Variants in ZNF727 observed in about 807,000 individuals in gnomAD.
The protein encoded by ZNF727 is zinc finger protein 727, also known as putative zinc finger protein 727.
A neutral mutation model predicts 11.5 loss-of-function variants in ZNF727; 11 were observed. That is an observed-to-expected ratio of 0.95 (90% CI 0.60 to 1.58). ZNF727 has a LOEUF of 1.58. ZNF727 is among the 40% of genes most tolerant of loss of function. ZNF727 has a pLI of 0.00. For missense variants in ZNF727, 533 were observed against 581.7 expected (o/e 0.92, Z 0.86); for synonymous variants, 171 against 196.1 (o/e 0.87, Z 1.07).
rs775795544 is a variant in ZNF727, at chr7:64,068,915, G to A, written c.28G>A (p.Ala10Thr). The change falls in exon 2 of 4, where the codon GCT becomes ACT. Residue 10 changes from alanine to threonine, a missense_variant. Coordinates refer to ENST00000456806, the MANE Select transcript of ZNF727 (RefSeq NM_001159522.3). MRVLTFRDV[A>T]VEFSPEEWEC... is the part of the protein sequence containing the mutation. ...GCGAGTGCTAACATTCAGGGATGTG[G>A]CTGTAGAATTCTCCCCAGAAGAGTG... 39 of 1,602,054 alleles carry A rather than the reference G, an allele frequency of 2.4e-5. No homozygotes were observed. The Middle Eastern group carries it at 5.0e-4, about 20-fold the overall frequency.
chr7:64,059,683 C>A (rs1320342163), intron 1 of ZNF727, among the ~76,000 whole-genome samples: 1 of 152,158 alleles, frequency 6.6e-6, no homozygotes, highest in African/African-American at 2.4e-5. Flanking sequence ...ATTCAAATGC[C>A]TACTGGAAAT....
rs200788945 is a variant in ZNF727 at position 64,050,187 on chromosome 7, C to CT, written c.3+4572dup. Among the ~76,000 whole-genome samples, 5 of 150,588 alleles carry CT rather than the reference C, an allele frequency of 3.3e-5. No individual in the cohort carries two copies. In the East Asian group the frequency reaches 5.8e-4, roughly 18 times the overall value. ...CACATATTCTTGAAAAATATTTGGG[C>CT]TTTTTTTTTAATTCATGAAAACTTA... On this transcript the variant is annotated intron_variant, in intron 1 of 3. Transcript: ENST00000456806.
chr7:64,073,582 C>T (rs13222343), intron 3 of ZNF727, among the ~76,000 whole-genome samples: 98,735 of 151,702 alleles, frequency 0.65, 32,498 homozygotes, highest in Admixed American at 0.72. Flanking sequence ...AAGTGGGGTA[C>T]GTTTTCTGTC....
rs1008720562 is a variant in ZNF727, at chr7:64,081,319, C to T, written c.*2770C>T. On this transcript the variant is annotated 3_prime_UTR_variant, in exon 4 of 4. Transcript: ENST00000456806. ...GTGTGGGAGGATACCCTGTTCTCCG[C>T]ACAGTTTTACCACAAAGGCCAGGGT... is the stretch of plus-strand genomic sequence containing the variant. 1.3e-5 allele frequency among the ~76,000 whole-genome samples: 2 copies of T among 152,078 alleles called. No individual in the cohort carries two copies. The highest frequency in any genetic ancestry group is 2.9e-5 in the Non-Finnish European group (2 of 68,012).
chr7:64,060,668 G>A (rs1179197831), intron 1 of ZNF727, among the ~76,000 whole-genome samples: 4 of 151,956 alleles, frequency 2.6e-5, no homozygotes, highest in Non-Finnish European at 2.9e-5. Flanking sequence ...TTTTCATTAC[G>A]TTTATCTTTT....
intron 1 of ZNF727, among the ~76,000 whole-genome samples, chr7:64,063,772 G>GAGT (rs1789817955): frequency 3.3e-5 from 5 of 152,162 alleles, no homozygotes; most frequent in Middle Eastern, 3.4e-3. Flanking sequence ...GAAGAACATG[G>GAGT]AGTCAGAAGC....
intron 3 of ZNF727, among the ~76,000 whole-genome samples, chr7:64,070,189 C>G (rs765847728): frequency 2.4e-4 from 37 of 152,148 alleles, no homozygotes; most frequent in Non-Finnish European, 4.4e-4. Context: ...CTAAATGAAA[C>G]AAACTCTAAA....
At chr7:64,075,127 C>T (rs1790020959) in intron 3 of ZNF727, among the ~76,000 whole-genome samples, 1 of 151,988 alleles carries the variant, frequency 6.6e-6, no homozygotes, top group Non-Finnish European at 1.5e-5. Context: ...AAAATGTTAT[C>T]AGCATTTTCA....
chr7:64,059,807 TC>T (rs1163764001), intron 1 of ZNF727, among the ~76,000 whole-genome samples: 3 of 152,212 alleles, frequency 2.0e-5, no homozygotes, highest in African/African-American at 7.2e-5. Flanking sequence ...CATTTTGCTC[TC>T]CTCTTTAAAA....
chr7:64,071,262 C>A (rs746354124), intron 3 of ZNF727, among the ~76,000 whole-genome samples: 1 of 151,808 alleles, frequency 6.6e-6, no homozygotes, highest in East Asian at 1.9e-4. Flanking sequence ...TTAATATATT[C>A]TTGTCAACAC....
intron 3 of ZNF727, 107 bp downstream of exon 3, chr7:64,069,716 G>A (rs372654714): frequency 6.8e-6 from 6 of 886,778 alleles, no homozygotes; most frequent in African/African-American, 3.4e-5. Context: ...AGTGGAAATC[G>A]TTTCTGAGAA....
In ZNF727 at chr7:64,081,543, T is replaced by C. The variant is rs186750375; in HGVS notation, c.*2994T>C. Reference sequence around the variant, plus strand: ...GAGTATAGGGAAGAAACATGTGAGCTGGTGCAGTCACAGGGGCTGCCTTGC... The same window carrying C: ...GAGTATAGGGAAGAAACATGTGAGCCGGTGCAGTCACAGGGGCTGCCTTGC... On this transcript the variant is annotated 3_prime_UTR_variant, in exon 4 of 4. Transcript: ENST00000456806. Among the ~76,000 whole-genome samples the C allele has an allele frequency of 2.0e-5, 3 of 152,234 alleles. No individual in the cohort carries two copies. Among genetic ancestry groups the C allele is most frequent in the African/African-American group, 7.2e-5 (3 of 41,556 alleles).
intron 1 of ZNF727, among the ~76,000 whole-genome samples, chr7:64,058,504 A>T (rs1584144886): frequency 6.6e-6 from 1 of 152,066 alleles, no homozygotes; most frequent in Non-Finnish European, 1.5e-5. Context: ...CTGTCCCCAG[A>T]CCCTAAACCT....
At chr7:64,076,334 G>A (rs1785656367) in intron 3 of ZNF727, among the ~76,000 whole-genome samples, 1 of 152,228 alleles carries the variant, frequency 6.6e-6, no homozygotes, top group Non-Finnish European at 1.5e-5. Flanking sequence ...ACAAGGGTCA[G>A]GCGTGGTGGC....
chr7:64,055,187 G>C (rs1229861429), intron 1 of ZNF727, among the ~76,000 whole-genome samples: 1 of 152,108 alleles, frequency 6.6e-6, no homozygotes, highest in Admixed American at 6.6e-5. Context: ...GGGAGGCTGA[G>C]GTTCGCGGAT....
chr7:64,076,511 A>T (rs1356514198), intron 3 of ZNF727, among the ~76,000 whole-genome samples: 2 of 152,138 alleles, frequency 1.3e-5, no homozygotes, highest in Non-Finnish European at 2.9e-5. Context: ...AGGCTGAGGC[A>T]GGAGAATTGC....
intron 2 of ZNF727, 142 bp downstream of exon 2, chr7:64,069,159 A>C: frequency 1.2e-6 from 1 of 867,234 alleles, no homozygotes; most frequent in South Asian, 2.2e-5. Flanking sequence ...TTAGGTAGTA[A>C]ATATAATCTT....
At chr7:64,051,237 C>A (rs1393759186) in intron 1 of ZNF727, among the ~76,000 whole-genome samples, 2 of 152,172 alleles carry the variant, frequency 1.3e-5, no homozygotes, top group African/African-American at 4.8e-5. Flanking sequence ...CCAACACATT[C>A]ATGAGGCCAA....
rs1204491761 is a variant in ZNF727, at chr7:64,079,169, T to A, written c.*620T>A. On this transcript the variant is annotated 3_prime_UTR_variant, in exon 4 of 4. Coordinates refer to ENST00000456806, the MANE Select transcript of ZNF727 (RefSeq NM_001159522.3). ...TGAGAAACCCTACAAATGTGAAGAATGTGGCAAAGTATTGAGCTCGTTCTC... is the reference window on the plus strand; with the variant it reads ...TGAGAAACCCTACAAATGTGAAGAAAGTGGCAAAGTATTGAGCTCGTTCTC... 6.6e-6 allele frequency among the ~76,000 whole-genome samples: 1 copy of A among 152,222 alleles called. No individual in the cohort carries two copies. The highest frequency in any genetic ancestry group is 1.5e-5 in the Non-Finnish European group (1 of 68,036).
Sources: allele counts gnomAD v4.1 joint callset (sites outside exome capture counted in the v4.1 genomes callset), GRCh38; gene constraint gnomAD v4.1.1; transcripts MANE v1.5; gene names NCBI Gene and HGNC (gene_info 2026-07-23, HGNC 2026-07-21).